Variants in TBXAS1 observed in about 807,000 individuals in gnomAD.
TBXAS1 encodes thromboxane A synthase 1.
A neutral mutation model predicts 60.7 loss-of-function variants in TBXAS1; 48 were observed. That is an observed-to-expected ratio of 0.79 (90% CI 0.63 to 1.01). TBXAS1 has a LOEUF of 1.01. Among genes scored for constraint, TBXAS1 ranks in the 50% least tolerant of loss-of-function variants. The pLI is 0.00. For synonymous variants in TBXAS1, 287 were observed against 269.7 expected (o/e 1.06, Z -0.63); for missense variants, 685 against 686.3 (o/e 1.00, Z 0.02).
At chr7:139,889,326 A>G (rs1020497581) in intron 3 of TBXAS1, among the ~76,000 whole-genome samples, 21 of 152,088 alleles carry the variant, frequency 1.4e-4, no homozygotes, top group Admixed American at 2.6e-4. Context: ...AGGAAAAAAA[A>G]AAAAGAAAAG....
chr7:139,897,375 A>G (rs2267694), intron 3 of TBXAS1, among the ~76,000 whole-genome samples: 85,273 of 145,166 alleles, frequency 0.59, 26,867 homozygotes, highest in African/African-American at 0.82. Flanking sequence ...GGGGGGAATA[A>G]GGAGGCACAA....
At chr7:139,802,553 A>C (rs1195475404) in intron 4 of TBXAS1, among the ~76,000 whole-genome samples, 7 of 152,158 alleles carry the variant, frequency 4.6e-5, no homozygotes, top group South Asian at 4.1e-4. Context: ...GGGAGGCTGA[A>C]GTGGGTAGAT....
At chr7:139,936,154 CCTGAGTCCTGACCCT>C (rs1433579631) in intron 4 of TBXAS1, 22 bp from the exon 5 acceptor site, 2 of 1,611,322 alleles carry the variant, frequency 1.2e-6, no homozygotes, top group Middle Eastern at 1.8e-4. Flanking sequence ...GCTTTGGCTC[CCTGAGTCCTGACCCT>C]CTGCTTGTTA....
intron 3 of TBXAS1, among the ~76,000 whole-genome samples, chr7:139,882,268 A>G (rs1440667202): frequency 6.6e-6 from 1 of 152,226 alleles, no homozygotes; most frequent in African/African-American, 2.4e-5. Context: ...TTGACTTAGA[A>G]GATATGAGAC....
At chr7:139,909,969 A>C (rs868384821) in intron 3 of TBXAS1, among the ~76,000 whole-genome samples, 6 of 152,288 alleles carry the variant, frequency 3.9e-5, no homozygotes, top group Middle Eastern at 3.4e-3. Context: ...TGATTCCTCC[A>C]GCCAGCAGAC....
intron 3 of TBXAS1, among the ~76,000 whole-genome samples, chr7:139,889,998 G>A (rs2284200): frequency 0.077 from 11,731 of 152,116 alleles, 599 homozygotes; most frequent in Non-Finnish European, 0.11. Flanking sequence ...GGTAGGCCTG[G>A]AATCCGGAAT....
intron 3 of TBXAS1, among the ~76,000 whole-genome samples, chr7:139,785,821 T>A (rs1235300901): frequency 1.3e-5 from 2 of 151,970 alleles, no homozygotes; most frequent in African/African-American, 4.8e-5. Flanking sequence ...TCGTGCATCC[T>A]AAGCAATAGC....
At chr7:139,898,591 G>A (rs757762) in intron 3 of TBXAS1, among the ~76,000 whole-genome samples, 61,090 of 151,832 alleles carry the variant, frequency 0.4, 12,551 homozygotes, top group South Asian at 0.5. Context: ...GATTACAGGC[G>A]TGAGCCACTA....
rs8192825 is a variant in TBXAS1 at position 139,901,326 on chromosome 7, CA to C, written c.237-9884del. ...GTTTTTAGCATTAGCAATATTACTA[CA>C]AAAAAAAAAAAAAAGAAGCAGGAAG... On this transcript the variant is annotated intron_variant, in intron 3 of 12. Transcript: ENST00000448866. Among the ~76,000 whole-genome samples, 1,014 of 123,186 alleles carry C rather than the reference CA, an allele frequency of 8.2e-3. 15 individuals carry two copies. Among genetic ancestry groups the C allele is most frequent in the South Asian group, 0.04 (163 of 4,116 alleles). 80.8% of individuals were successfully genotyped at this position (123,186 alleles called of 152,430 possible). A position where few individuals can be genotyped will look rare whatever the true frequency, so the allele number is the denominator to read the frequency against.
chr7:139,857,501 C>T (rs1406842508), intron 1 of TBXAS1, among the ~76,000 whole-genome samples: 2 of 152,142 alleles, frequency 1.3e-5, no homozygotes, highest in African/African-American at 4.8e-5. Context: ...AAAGCCACCC[C>T]TGAAGTGTTT....
At chr7:139,865,499 T>G (rs1169857531) in intron 1 of TBXAS1, among the ~76,000 whole-genome samples, 6 of 151,844 alleles carry the variant, frequency 4.0e-5, no homozygotes, top group Non-Finnish European at 8.8e-5. Flanking sequence ...ATTTTCCAAC[T>G]AATTTTTAAA....
intron 9 of TBXAS1, among the ~76,000 whole-genome samples, chr7:139,970,518 G>A (rs542319181): frequency 2.9e-4 from 44 of 152,312 alleles, no homozygotes; most frequent in African/African-American, 9.6e-4. Flanking sequence ...TCTCTCTCAC[G>A]TGTGCTGGAC....
intron 3 of TBXAS1, among the ~76,000 whole-genome samples, chr7:139,894,412 G>C (rs527430320): frequency 6.6e-6 from 1 of 152,180 alleles, no homozygotes; most frequent in East Asian, 1.9e-4. Context: ...AGGCTGGCTC[G>C]TGTGACTGGA....
chr7:139,867,626 G>T (rs1801517671), intron 1 of TBXAS1, among the ~76,000 whole-genome samples: 2 of 152,030 alleles, frequency 1.3e-5, no homozygotes, highest in African/African-American at 4.8e-5. Context: ...TTCAAGACCA[G>T]CCTGGCCAAC....
rs550250317 is a variant in TBXAS1, at chr7:140,015,406, C to T, written c.1227-317C>T. 8.5e-5 allele frequency among the ~76,000 whole-genome samples: 13 copies of T among 152,258 alleles called. No individual in the cohort carries two copies. The South Asian group carries it at 1.0e-3, about 12-fold the overall frequency. On this transcript the variant is annotated intron_variant, in intron 10 of 12. Coordinates refer to ENST00000448866, the MANE Select transcript of TBXAS1 (RefSeq NM_001061.7). ...AATCCTTCCAAAGCAGTTTGCACCC[C>T]GACATGGGGCACAAGAGGGGCCCTT...
chr7:140,001,752 G>A (rs1813689777), intron 9 of TBXAS1, among the ~76,000 whole-genome samples: 1 of 152,160 alleles, frequency 6.6e-6, no homozygotes, highest in Non-Finnish European at 1.5e-5. Context: ...CAAAATGAAT[G>A]TTCATTCCTT....
At chr7:140,012,559 A>G (rs1814704051) in intron 10 of TBXAS1, among the ~76,000 whole-genome samples, 2 of 151,950 alleles carry the variant, frequency 1.3e-5, no homozygotes, top group African/African-American at 4.8e-5. Flanking sequence ...CCCGGGTTCA[A>G]GCGATTCTCG....
chr7:139,978,827 T>C (rs1464497720), intron 9 of TBXAS1, among the ~76,000 whole-genome samples: 1 of 149,506 alleles, frequency 6.7e-6, no homozygotes, highest in East Asian at 2.0e-4. Flanking sequence ...TGGTGGTGCG[T>C]GCTCGTACTC....
chr7:139,982,369 T>C (rs2117517935), intron 9 of TBXAS1, among the ~76,000 whole-genome samples: 1 of 152,260 alleles, frequency 6.6e-6, no homozygotes, highest in South Asian at 2.1e-4. Context: ...GACCTTGATA[T>C]CTTTAGACTG....
Sources: gnomAD v4.1 joint callset for allele counts (sites outside exome capture counted in the v4.1 genomes callset) on GRCh38, gnomAD v4.1.1 for gene constraint, MANE v1.5 for transcripts, NCBI Gene and HGNC (gene_info 2026-07-23, HGNC 2026-07-21) for gene names.